The following PPM1G variants were observed in gnomAD, a reference collection of about 807,000 sequenced individuals.
PPM1G encodes protein phosphatase, Mg2+/Mn2+ dependent 1G, also known as protein phosphatase 1G.
Under a neutral mutation model 59.4 loss-of-function variants are expected in PPM1G, and 12 were observed. The observed-to-expected ratio is 0.20, with a 90% CI of 0.13 to 0.33. PPM1G has a LOEUF of 0.33. PPM1G is among the 10% of genes least tolerant of loss of function. The pLI is 1.00. For synonymous variants in PPM1G, 245 were observed against 251.9 expected (o/e 0.97, Z 0.26); for missense variants, 392 against 681.3 (o/e 0.58, Z 4.73).
At chr2:27,393,200 A>C in intron 1 of PPM1G, 1 of 1,539,876 alleles carries the variant, frequency 6.5e-7, no homozygotes, top group East Asian at 2.2e-5. Context: ...ATTGGTGAAG[A>C]AAGTATTTGG....
At chr2:27,397,780 G>C (rs1684087524) in intron 1 of PPM1G, among the ~76,000 whole-genome samples, 1 of 152,114 alleles carries the variant, frequency 6.6e-6, no homozygotes, top group South Asian at 2.1e-4. Context: ...GAGGCAGGCG[G>C]ATCTCTTGAA....
intron 1 of PPM1G, among the ~76,000 whole-genome samples, chr2:27,407,630 G>A (rs1161768361): frequency 6.6e-6 from 1 of 152,150 alleles, no homozygotes; most frequent in Non-Finnish European, 1.5e-5. Context: ...GGTGAAATAT[G>A]AATGCTATGC....
At chr2:27,393,649 ATCTTGGCTCC>A (rs1683973974) in intron 1 of PPM1G, among the ~76,000 whole-genome samples, 1 of 152,170 alleles carries the variant, frequency 6.6e-6, no homozygotes, top group African/African-American at 2.4e-5. Context: ...CAGTGGCGCA[ATCTTGGCTCC>A]CCGCAACCTC....
intron 1 of PPM1G, among the ~76,000 whole-genome samples, chr2:27,395,326 G>C (rs1014197434): frequency 5.3e-5 from 8 of 151,910 alleles, no homozygotes; most frequent in Non-Finnish European, 7.4e-5. Flanking sequence ...GAGGTCAGGA[G>C]TTCGGGACCA....
At chr2:27,406,188 T>C (rs1663357368) in intron 1 of PPM1G, among the ~76,000 whole-genome samples, 1 of 152,196 alleles carries the variant, frequency 6.6e-6, no homozygotes, top group Admixed American at 6.6e-5. Flanking sequence ...ATGATAACCT[T>C]ACCTCAAATG....
At chr2:27,393,523 C>G (rs1683971053) in intron 1 of PPM1G, among the ~76,000 whole-genome samples, 1 of 152,156 alleles carries the variant, frequency 6.6e-6, no homozygotes, top group Non-Finnish European at 1.5e-5. Context: ...CGCCGGGTTC[C>G]GTCCAAGCAC....
chr2:27,402,904 A>G (rs1291418881), intron 1 of PPM1G, among the ~76,000 whole-genome samples: 1 of 140,596 alleles, frequency 7.1e-6, no homozygotes, highest in Admixed American at 7.5e-5. Flanking sequence ...GCAAGGCCCT[A>G]TCTCTACAAA....
In PPM1G at chr2:27,409,483, G is replaced by T; in HGVS notation, c.-61C>A. ...GCTGGGCGCGACCCGTGCCGGAGCC[G>T]AAGCCCCGGGGGTGCGCGCGGCAGG... On this transcript the variant is annotated 5_prime_UTR_variant, in exon 1 of 10. Coordinates refer to ENST00000344034, the MANE Select transcript of PPM1G (RefSeq NM_177983.3). The T allele has an allele frequency of 7.1e-7, 1 of 1,411,596 alleles. No homozygotes were observed. Among genetic ancestry groups the T allele is most frequent in the South Asian group, 1.5e-5 (1 of 65,218 alleles). 87.4% of individuals were successfully genotyped at this position (1,411,596 alleles called of 1,614,324 possible).
intron 1 of PPM1G, among the ~76,000 whole-genome samples, chr2:27,390,899 A>G (rs1026632613): frequency 7.1e-5 from 10 of 140,840 alleles, no homozygotes; most frequent in African/African-American, 2.7e-4. Context: ...CTTGATGTTC[A>G]GCTCCCACTC....
At chr2:27,393,248 G>C in intron 1 of PPM1G, 1 of 1,582,268 alleles carries the variant, frequency 6.3e-7, no homozygotes, top group Non-Finnish European at 8.6e-7. Context: ...TGTCAAAGTA[G>C]TAAGCCACGC....
chr2:27,391,108 A>G (rs1683889895), intron 1 of PPM1G, among the ~76,000 whole-genome samples: 2 of 152,092 alleles, frequency 1.3e-5, no homozygotes, highest in African/African-American at 4.8e-5. Flanking sequence ...GAGTTGATTC[A>G]ATGTTTTTGC....
At chr2:27,409,092 C>G (rs1401904528) in intron 1 of PPM1G, among the ~76,000 whole-genome samples, 1 of 152,178 alleles carries the variant, frequency 6.6e-6, no homozygotes, top group African/African-American at 2.4e-5. Flanking sequence ...TGGCCGAGCC[C>G]TCGCCGCCAC....
At position 27,385,467 on chromosome 2, in the gene PPM1G, A is replaced by G. The variant is rs1046475583; in HGVS notation, c.409+280T>C. On this transcript the variant is annotated intron_variant, in intron 4 of 9. Transcript: ENST00000344034. This position sits in a 1 kb window ranked among gnomAD's most constrained non-coding sequence, Gnocchi z 4.1. ...TAATAACTGCTCCAGTCTTGAGGGG[A>G]AAAAAAAGCACATAAATACTAGCAG... 7.6e-5 allele frequency: 32 copies of G among 419,730 alleles called. No individual in the cohort carries two copies. The highest frequency in any genetic ancestry group is 4.0e-4 in the South Asian group (9 of 22,376). The allele number at this position is 419,730 out of a possible 1,614,324, so 26.0% of individuals were successfully genotyped here.
At chr2:27,405,194 C>G (rs1476494618) in intron 1 of PPM1G, among the ~76,000 whole-genome samples, 1 of 151,260 alleles carries the variant, frequency 6.6e-6, no homozygotes, top group Non-Finnish European at 1.5e-5. Context: ...CTGCCTCAGC[C>G]TCCGGAGTAG....
At chr2:27,401,261 G>T (rs766454437) in intron 1 of PPM1G, among the ~76,000 whole-genome samples, 1 of 152,134 alleles carries the variant, frequency 6.6e-6, no homozygotes, top group Non-Finnish European at 1.5e-5. Flanking sequence ...TACTTGGGGT[G>T]GAGAGTAATT....
At position 27,385,126 on chromosome 2, in the gene PPM1G, A is replaced by G. The variant is rs1683733255; in HGVS notation, c.410-38T>C. On this transcript the variant is annotated intron_variant, in intron 4 of 9. Transcript: ENST00000344034. This position sits in a 1 kb window ranked among gnomAD's most constrained non-coding sequence, Gnocchi z 4.1. ...GGCTAAATCAGAGCCCCCATGCCAG[A>G]CTCCTCATGGGATCCGTCCCTCTCA... The G allele has an allele frequency of 3.3e-6, 5 of 1,533,588 alleles. No homozygotes were observed. Among genetic ancestry groups the G allele is most frequent in the Non-Finnish European group, 3.5e-6 (4 of 1,145,232 alleles). 95.0% of individuals were successfully genotyped at this position (1,533,588 alleles called of 1,614,324 possible).
At chr2:27,388,270 G>A (rs1339065478) in intron 1 of PPM1G, among the ~76,000 whole-genome samples, 5 of 151,684 alleles carry the variant, frequency 3.3e-5, no homozygotes, top group East Asian at 2.0e-4. Flanking sequence ...TTAGCCAGGC[G>A]TGGTGGTGTG....
intron 1 of PPM1G, among the ~76,000 whole-genome samples, chr2:27,389,042 A>G (rs1379681014): frequency 6.6e-6 from 1 of 152,148 alleles, no homozygotes; most frequent in Non-Finnish European, 1.5e-5. Context: ...GACAACAAAC[A>G]CACCTAAGAA....
intron 1 of PPM1G, chr2:27,393,234 T>C: frequency 6.4e-7 from 1 of 1,570,622 alleles, no homozygotes; most frequent in Non-Finnish European, 8.7e-7. Flanking sequence ...AGCCACATCA[T>C]CGCTGTCAAA....
Sources: allele counts gnomAD v4.1 joint callset (sites outside exome capture counted in the v4.1 genomes callset), GRCh38; gene constraint gnomAD v4.1.1; non-coding constraint Gnocchi (gnomAD v3.1); transcripts MANE v1.5; gene names NCBI Gene and HGNC (gene_info 2026-07-23, HGNC 2026-07-21).